MTMR8: variants seen among roughly 807,000 people sequenced by gnomAD.
MTMR8 encodes the protein myotubularin related protein 8, also known as phosphatidylinositol-3,5-bisphosphate 3-phosphatase MTMR8.
Under a neutral mutation model 39.3 loss-of-function variants are expected in MTMR8, and 65 were observed. That is an observed-to-expected ratio of 1.65 (90% confidence interval 1.35 to 2.03). The LOEUF (loss-of-function observed/expected upper bound fraction) is 2.03, where lower values mean the gene tolerates loss of function less well. MTMR8 is among the 30% of genes most tolerant of loss of function. MTMR8 has a pLI of 0.00. For missense variants in MTMR8, 777 were observed against 538.9 expected (o/e 1.44, Z -4.37); for synonymous variants, 245 against 185.2 (o/e 1.32, Z -2.62).
At chrX:64,355,788 G>A (rs1923606653) in intron 3 of MTMR8, among the ~76,000 whole-genome samples, 2 of 111,006 alleles carry the variant, frequency 1.8e-5, no homozygotes, top group Admixed American at 9.6e-5. Flanking sequence ...GGTGGAAATC[G>A]TGGGCCAAAC....
rs182163574 is a variant in MTMR8, at chrX:64,375,634, T to A, written c.25-16107A>T. On this transcript the variant is annotated intron_variant, in intron 1 of 13. Coordinates refer to ENST00000374852, the MANE Select transcript of MTMR8 (RefSeq NM_017677.4). ...CTCATAAATGGGATTAGTGCTCTTA[T>A]GAAAGAGGCTTAAAGGAGCTGTTTG... is the stretch of plus-strand genomic sequence containing the variant. Among the ~76,000 whole-genome samples, 5 of 111,199 alleles carry A rather than the reference T, an allele frequency of 4.5e-5. No individual in the cohort carries two copies. In the East Asian group the frequency reaches 1.4e-3, roughly 32 times the overall value.
intron 13 of MTMR8, among the ~76,000 whole-genome samples, chrX:64,269,322 T>A (rs1284878701): frequency 2.7e-5 from 3 of 111,624 alleles, no homozygotes; most frequent in Non-Finnish European, 5.6e-5. Flanking sequence ...GGGGAAAACA[T>A]CACTAATATT....
At chrX:64,387,242 T>C (rs1924583572) in intron 1 of MTMR8, among the ~76,000 whole-genome samples, 1 of 111,085 alleles carries the variant, frequency 9.0e-6, no homozygotes, top group African/African-American at 3.3e-5. Context: ...AAAGCATCTT[T>C]AGCTTTCTCC....
At chrX:64,392,629 A>G (rs1472110826) in intron 1 of MTMR8, among the ~76,000 whole-genome samples, 1 of 110,740 alleles carries the variant, frequency 9.0e-6, no homozygotes, top group African/African-American at 3.3e-5. Flanking sequence ...TAATCTCAGT[A>G]GCGGTTGCAC....
At chrX:64,291,115 A>C (rs1921381751) in intron 12 of MTMR8, among the ~76,000 whole-genome samples, 1 of 111,687 alleles carries the variant, frequency 9.0e-6, no homozygotes, top group Non-Finnish European at 1.9e-5. Context: ...TAGCCTCTGC[A>C]TATGGACCTT....
At chrX:64,382,007 C>A (rs1031541681) in intron 1 of MTMR8, among the ~76,000 whole-genome samples, 2 of 111,286 alleles carry the variant, frequency 1.8e-5, no homozygotes, top group African/African-American at 6.6e-5. Context: ...GTTATTGTAG[C>A]CTTGTAGTAT....
intron 1 of MTMR8, among the ~76,000 whole-genome samples, chrX:64,380,025 C>T (rs1302316055): frequency 8.9e-6 from 1 of 111,824 alleles, no homozygotes; most frequent in African/African-American, 3.3e-5. Flanking sequence ...AACAGAGGGG[C>T]ATTTCCTCAG....
chrX:64,303,697 T>A (rs905989405), intron 12 of MTMR8, among the ~76,000 whole-genome samples: 1 of 112,480 alleles, frequency 8.9e-6, no homozygotes, highest in Non-Finnish European at 1.9e-5. Flanking sequence ...ACTTTATCAG[T>A]CTTTATGAAG....
At chrX:64,394,865 G>C (rs1924780961) in intron 1 of MTMR8, among the ~76,000 whole-genome samples, 1 of 112,396 alleles carries the variant, frequency 8.9e-6, no homozygotes, top group African/African-American at 3.2e-5. Context: ...AGCGAGAGTG[G>C]GGTTCTGGGC....
intron 12 of MTMR8, among the ~76,000 whole-genome samples, chrX:64,283,846 A>T (rs1486341328): frequency 8.9e-6 from 1 of 112,195 alleles, no homozygotes; most frequent in Non-Finnish European, 1.9e-5. Flanking sequence ...TCAAAGACCA[A>T]AGGTAGATAA....
At chrX:64,391,220 C>T (rs1261722987) in intron 1 of MTMR8, among the ~76,000 whole-genome samples, 2 of 112,195 alleles carry the variant, frequency 1.8e-5, no homozygotes, top group African/African-American at 6.5e-5. Context: ...TAAAATCTTT[C>T]ACTGTCTTTT....
intron 12 of MTMR8, among the ~76,000 whole-genome samples, chrX:64,276,845 C>A (rs925234021): frequency 9.0e-6 from 1 of 111,212 alleles, no homozygotes. Context: ...ATATTGACAG[C>A]GGGGTATTAA....
chrX:64,369,364 C>A, intron 1 of MTMR8, among the ~76,000 whole-genome samples: 1 of 111,908 alleles, frequency 8.9e-6, no homozygotes, highest in Non-Finnish European at 1.9e-5. Flanking sequence ...GGAACCAACC[C>A]AGATGTCCAT....
chrX:64,308,073 G>A lies in MTMR8; in HGVS notation c.1481+20699C>T, dbSNP rs759467677. Among the ~76,000 whole-genome samples the A allele has an allele frequency of 1.6e-4, 18 of 111,271 alleles. No homozygotes were observed. The East Asian group carries it at 4.8e-3, about 29-fold the overall frequency. On this transcript the variant is annotated intron_variant, in intron 12 of 13. Coordinates refer to ENST00000374852, the MANE Select transcript of MTMR8 (RefSeq NM_017677.4). Reference sequence around the variant, plus strand: ...GAAGTCACCTATGTTGATGGGTGCAGCACACCAACATGGCACATGTATACA... The same window carrying A: ...GAAGTCACCTATGTTGATGGGTGCAACACACCAACATGGCACATGTATACA...
At chrX:64,375,114 C>G (rs1423295658) in intron 1 of MTMR8, among the ~76,000 whole-genome samples, 1 of 106,915 alleles carries the variant, frequency 9.4e-6, no homozygotes, top group Non-Finnish European at 1.9e-5. Context: ...AATCCCAGCA[C>G]TTTTGGGAGG....
intron 12 of MTMR8, among the ~76,000 whole-genome samples, chrX:64,287,569 T>C (rs989427070): frequency 1.8e-5 from 2 of 110,965 alleles, no homozygotes; most frequent in African/African-American, 3.3e-5. Flanking sequence ...CAAACTGTAC[T>C]ACAAGGCTAC....
chrX:64,291,761 G>C (rs531151042), intron 12 of MTMR8, among the ~76,000 whole-genome samples: 1 of 111,631 alleles, frequency 9.0e-6, no homozygotes. Flanking sequence ...CATAACTTTG[G>C]CATGGCATTC....
intron 12 of MTMR8, among the ~76,000 whole-genome samples, chrX:64,325,451 G>A (rs1241139663): frequency 8.9e-6 from 1 of 111,873 alleles, no homozygotes; most frequent in African/African-American, 3.2e-5. Context: ...CTATGATCAA[G>A]TGGAACTCAT....
At chrX:64,388,875 C>T (rs1294436811) in intron 1 of MTMR8, among the ~76,000 whole-genome samples, 1 of 111,774 alleles carries the variant, frequency 8.9e-6, no homozygotes, top group African/African-American at 3.3e-5. Flanking sequence ...TATATTTTAC[C>T]TTAGAATCAT....
Sources: allele counts gnomAD v4.1 joint callset (sites outside exome capture counted in the v4.1 genomes callset), GRCh38; gene constraint gnomAD v4.1.1; transcripts MANE v1.5; gene names NCBI Gene and HGNC (gene_info 2026-07-23, HGNC 2026-07-21).